GLI3: variants seen among roughly 807,000 people sequenced by gnomAD.
GLI3 encodes the protein transcription activator GLI3.
A neutral mutation model predicts 100.8 loss-of-function variants in GLI3; 20 were observed. That is an observed-to-expected ratio of 0.20 (90% confidence interval 0.14 to 0.29). The LOEUF (loss-of-function observed/expected upper bound fraction) is 0.29, where lower values mean the gene tolerates loss of function less well. Among genes scored for constraint, GLI3 ranks in the 10% least tolerant of loss-of-function variants. The pLI is 1.00. For synonymous variants in GLI3, 938 were observed against 860.5 expected (o/e 1.09, Z -1.58); for missense variants, 2,040 against 2,128.5 (o/e 0.96, Z 0.82).
intron 10 of GLI3, among the ~76,000 whole-genome samples, chr7:42,002,534 T>C (rs17640236): frequency 0.026 from 3,975 of 152,266 alleles, 64 homozygotes; most frequent in African/African-American, 0.034. Context: ...CAAAATGAAT[T>C]TGAACATCAT....
At chr7:42,234,047 G>A (rs1223120811) in intron 1 of GLI3, among the ~76,000 whole-genome samples, 1 of 152,024 alleles carries the variant, frequency 6.6e-6, no homozygotes, top group African/African-American at 2.4e-5. Flanking sequence ...CTTTAGCTGG[G>A]GATTTACAAC....
At chr7:42,008,250 C>T (rs1006796925) in intron 10 of GLI3, among the ~76,000 whole-genome samples, 7 of 152,132 alleles carry the variant, frequency 4.6e-5, no homozygotes, top group East Asian at 3.9e-4. Flanking sequence ...GAGGACAATT[C>T]GGTTTTCCTT....
intron 10 of GLI3, among the ~76,000 whole-genome samples, chr7:41,981,554 G>T (rs1462290790): frequency 6.6e-6 from 1 of 152,184 alleles, no homozygotes; most frequent in Non-Finnish European, 1.5e-5. Flanking sequence ...ACACACTGGA[G>T]GAGCTGGACC....
intron 3 of GLI3, among the ~76,000 whole-genome samples, chr7:42,103,981 G>A (rs1202611987): frequency 6.6e-6 from 1 of 152,216 alleles, no homozygotes; most frequent in Admixed American, 6.5e-5. Flanking sequence ...GGTGTCACGT[G>A]AGGGGCCAGC....
rs193047951 is a variant in GLI3, at chr7:42,231,265, G to C, written c.-43+5706C>G. ...CCAAAGGTATTTAACATTTTTTTGT[G>C]AAGTACTACTTACCATATTTTATCC... On this transcript the variant is annotated intron_variant, in intron 1 of 14. Coordinates refer to ENST00000395925, the MANE Select transcript of GLI3 (RefSeq NM_000168.6). Among the ~76,000 whole-genome samples the C allele has an allele frequency of 1.9e-3, 285 of 152,172 alleles. 1 individual carries two copies. The highest frequency in any genetic ancestry group is 6.5e-3 in the African/African-American group (270 of 41,522).
chr7:42,116,631 C>T (rs1031317982), intron 3 of GLI3, among the ~76,000 whole-genome samples: 4 of 152,116 alleles, frequency 2.6e-5, no homozygotes, highest in African/African-American at 9.7e-5. Context: ...CTCTGATGCA[C>T]GAGGGCACAG....
At chr7:41,997,556 A>T (rs910446605) in intron 10 of GLI3, among the ~76,000 whole-genome samples, 2 of 152,254 alleles carry the variant, frequency 1.3e-5, no homozygotes, top group Non-Finnish European at 2.9e-5. Flanking sequence ...CAAGTAATAG[A>T]AATTTAAAAA....
intron 10 of GLI3, among the ~76,000 whole-genome samples, chr7:42,001,999 A>T (rs973591759): frequency 5.9e-5 from 9 of 152,180 alleles, no homozygotes; most frequent in African/African-American, 1.9e-4. Context: ...CACTATTTTT[A>T]AAACACTGTG....
intron 3 of GLI3, among the ~76,000 whole-genome samples, chr7:42,111,220 G>A (rs530215193): frequency 6.6e-6 from 1 of 152,332 alleles, no homozygotes; most frequent in South Asian, 2.1e-4. Context: ...ACTGGACTGA[G>A]GCCGAAAACA....
At chr7:42,186,804 C>T (rs892697316) in intron 2 of GLI3, among the ~76,000 whole-genome samples, 22 of 152,216 alleles carry the variant, frequency 1.4e-4, no homozygotes, top group African/African-American at 5.1e-4. Context: ...TTATAAACCA[C>T]CACATCTCAT....
chr7:42,071,597 G>A (rs1275282163), intron 4 of GLI3, among the ~76,000 whole-genome samples: 1 of 152,128 alleles, frequency 6.6e-6, no homozygotes. Flanking sequence ...GACAAGCAAC[G>A]TGCTAAATTT....
chr7:42,228,642 C>A (rs1390593742), intron 1 of GLI3, among the ~76,000 whole-genome samples: 1 of 152,214 alleles, frequency 6.6e-6, no homozygotes, highest in Non-Finnish European at 1.5e-5. Context: ...AGGTACTTTG[C>A]AATGCAACCA....
chr7:42,233,087 A>G (rs774662993), intron 1 of GLI3, among the ~76,000 whole-genome samples: 21 of 152,236 alleles, frequency 1.4e-4, no homozygotes, highest in Non-Finnish European at 2.5e-4. Flanking sequence ...TTCCAAACAC[A>G]TTTAACATTC....
At chr7:42,035,747 AG>A (rs3216237) in intron 7 of GLI3, among the ~76,000 whole-genome samples, 96,742 of 152,042 alleles carry the variant, frequency 0.64, 32,528 homozygotes, top group African/African-American at 0.87. Flanking sequence ...CCTAGAGAGA[AG>A]GGTTTTAGCA....
intron 3 of GLI3, among the ~76,000 whole-genome samples, chr7:42,117,058 G>C (rs190881302): frequency 2.0e-5 from 3 of 152,184 alleles, no homozygotes; most frequent in Non-Finnish European, 4.4e-5. Flanking sequence ...GTAGGTAAAC[G>C]CTCAACCTAT....
At position 42,237,130 on chromosome 7, in the gene GLI3, G is replaced by C. The variant is rs1331979821; in HGVS notation, c.-202C>G. ...GCCCGCCGCGGGCATGGTGCGGCGC[G>C]GGCGGCCGCGGGGCGCGCGGGGAAG... is the stretch of plus-strand genomic sequence containing the variant. On this transcript the variant is annotated 5_prime_UTR_variant, in exon 1 of 15. Transcript: ENST00000395925. 1 of 148,062 alleles carries C rather than the reference G, an allele frequency of 6.8e-6. No individual in the cohort carries two copies. The highest frequency in any genetic ancestry group is 1.5e-5 in the Non-Finnish European group (1 of 66,352). 9.2% of individuals were successfully genotyped at this position (148,062 alleles called of 1,614,324 possible). A position where few individuals can be genotyped will look rare whatever the true frequency, so the allele number is the denominator to read the frequency against.
intron 2 of GLI3, among the ~76,000 whole-genome samples, chr7:42,217,771 T>C (rs1484172894): frequency 6.6e-6 from 1 of 152,250 alleles, no homozygotes; most frequent in Admixed American, 6.5e-5. Context: ...AAATTCACCA[T>C]TACTTTTGGC....
chr7:42,175,696 A>G (rs925377202), intron 2 of GLI3, among the ~76,000 whole-genome samples: 1 of 152,186 alleles, frequency 6.6e-6, no homozygotes, highest in African/African-American at 2.4e-5. Context: ...AAACTTATAT[A>G]AAAAGCATAA....
intron 10 of GLI3, among the ~76,000 whole-genome samples, chr7:41,992,260 T>C (rs911374726): frequency 6.6e-6 from 1 of 152,152 alleles, no homozygotes; most frequent in Non-Finnish European, 1.5e-5. Flanking sequence ...GAATAATTTG[T>C]GGGTGATGAA....
Sources: gnomAD v4.1 joint callset for allele counts (sites outside exome capture counted in the v4.1 genomes callset) on GRCh38, gnomAD v4.1.1 for gene constraint, MANE v1.5 for transcripts, NCBI Gene and HGNC (gene_info 2026-07-23, HGNC 2026-07-21) for gene names.